Variants in B4GALNT3 observed in about 807,000 individuals in gnomAD.
B4GALNT3 encodes the protein beta-1,4-N-acetyl-galactosaminyltransferase 3, also known as beta-1,4-N-acetylgalactosaminyltransferase 3.
A neutral mutation model predicts 120.2 loss-of-function variants in B4GALNT3; 86 were observed. The ratio of observed to expected loss-of-function variants is 0.72; its 90% CI spans 0.60 to 0.86. B4GALNT3 has a LOEUF of 0.86. B4GALNT3 is among the 40% of genes least tolerant of loss of function. The probability of loss-of-function intolerance (pLI) is 0.00; values close to 1 mark genes in which losing one functional copy is unlikely to be tolerated. For missense variants in B4GALNT3, 1,167 were observed against 1,298.9 expected (o/e 0.90, Z 1.56); for synonymous variants, 518 against 510.4 (o/e 1.01, Z -0.20).
chr12:524,514 TC>T (rs1479199216), intron 1 of B4GALNT3, among the ~76,000 whole-genome samples: 1 of 152,182 alleles, frequency 6.6e-6, no homozygotes, highest in Non-Finnish European at 1.5e-5. Context: ...CCAAACCCAG[TC>T]CCTGTGTGGG....
intron 1 of B4GALNT3, among the ~76,000 whole-genome samples, chr12:511,797 C>T (rs1467464271): frequency 3.5e-5 from 2 of 56,920 alleles, no homozygotes; most frequent in Admixed American, 1.9e-4. Flanking sequence ...TTCCACCTTC[C>T]ACCTTCTTCC....
At chr12:552,955 C>T (rs1947102293) in intron 13 of B4GALNT3, 1 of 579,288 alleles carries the variant, frequency 1.7e-6, no homozygotes, top group Non-Finnish European at 3.0e-6. Flanking sequence ...GTTTATCTCA[C>T]TCAGTCTTCA....
intron 1 of B4GALNT3, 83 bp from the exon 2 acceptor site, chr12:535,083 C>A: frequency 2.6e-6 from 3 of 1,175,694 alleles, no homozygotes; most frequent in Non-Finnish European, 3.7e-6. Context: ...AGACGGTTCC[C>A]TCCATTAACC....
intron 1 of B4GALNT3, among the ~76,000 whole-genome samples, chr12:475,864 C>G (rs150153564): frequency 1.4e-4 from 22 of 152,276 alleles, no homozygotes; most frequent in African/African-American, 4.8e-4. Flanking sequence ...TTCACTCTCC[C>G]CACAGCATTG....
In B4GALNT3 at chr12:550,823, C is replaced by T. The variant is rs116772521; in HGVS notation, c.998-99C>T. Reference sequence around the variant, plus strand: ...ACAGACGTCGGCAGAACACAGCTGCCGCTTGCGAATACAGAAAGGGCCCTG... The same window carrying T: ...ACAGACGTCGGCAGAACACAGCTGCTGCTTGCGAATACAGAAAGGGCCCTG... On this transcript the variant is annotated intron_variant, in intron 10 of 19. Transcript: ENST00000266383. The surrounding 1 kb of genome is among the most constrained non-coding windows in gnomAD (Gnocchi z 4.1). The T allele has an allele frequency of 4.8e-4, 469 of 969,610 alleles. 1 individual carries two copies. In the African/African-American group the frequency reaches 6.9e-3, roughly 14 times the overall value. 60.1% of individuals were successfully genotyped at this position (969,610 alleles called of 1,614,324 possible). A position where few individuals can be genotyped will look rare whatever the true frequency, so the allele number is the denominator to read the frequency against.
chr12:460,668 T>G lies in B4GALNT3; in HGVS notation c.169+123T>G. ...ATTTCCCACCCATTTCTCCCTCAGG[T>G]GCCCGGCGTCGCCCCGCGCGTACTC... is the stretch of plus-strand genomic sequence containing the variant. On this transcript the variant is annotated intron_variant, in intron 1 of 19. Coordinates refer to ENST00000266383, the MANE Select transcript of B4GALNT3 (RefSeq NM_173593.4). The surrounding 1 kb of genome is among the most constrained non-coding windows in gnomAD (Gnocchi z 8.0). The G allele has an allele frequency of 9.9e-7, 1 of 1,006,282 alleles. No individual in the cohort carries two copies. The highest frequency in any genetic ancestry group is 1.3e-6 in the Non-Finnish European group (1 of 778,620). 62.3% of individuals were successfully genotyped at this position (1,006,282 alleles called of 1,614,324 possible). A position where few individuals can be genotyped will look rare whatever the true frequency, so the allele number is the denominator to read the frequency against.
chr12:517,221 T>C (rs902502033), intron 1 of B4GALNT3, among the ~76,000 whole-genome samples: 3 of 152,200 alleles, frequency 2.0e-5, no homozygotes, highest in Non-Finnish European at 2.9e-5. Context: ...GCAGCAGTGT[T>C]GATGGCAAAG....
chr12:521,430 G>A (rs772214259), intron 1 of B4GALNT3, among the ~76,000 whole-genome samples: 55 of 152,150 alleles, frequency 3.6e-4, no homozygotes, highest in Non-Finnish European at 6.8e-4. Flanking sequence ...TGGCCTTTCC[G>A]GGGCCCAGTC....
chr12:549,631 AGTGTG>A (rs1206473997), intron 9 of B4GALNT3, 133 bp from the exon 10 acceptor site: 2 of 1,090,814 alleles, frequency 1.8e-6, no homozygotes, highest in Non-Finnish European at 2.6e-6. Flanking sequence ...GGCCAGAGGG[AGTGTG>A]GCTGCGCACA....
In B4GALNT3 at chr12:561,477, A is replaced by G. The variant is rs1040374972; in HGVS notation, c.*26A>G. Reference sequence around the variant, plus strand: ...CCGGAGGGTGTCCGCGGGGCCCAGCACTCCCCGCTCTGGACTAGCAGTGGC... The same window carrying G: ...CCGGAGGGTGTCCGCGGGGCCCAGCGCTCCCCGCTCTGGACTAGCAGTGGC... On this transcript the variant is annotated 3_prime_UTR_variant, in exon 20 of 20. Coordinates refer to ENST00000266383, the MANE Select transcript of B4GALNT3 (RefSeq NM_173593.4). The G allele has an allele frequency of 1.2e-5, 19 of 1,551,668 alleles. No individual in the cohort carries two copies. Among genetic ancestry groups the G allele is most frequent in the Non-Finnish European group, 1.6e-5 (18 of 1,131,204 alleles).
intron 1 of B4GALNT3, among the ~76,000 whole-genome samples, chr12:527,034 C>T (rs1946764421): frequency 6.6e-6 from 1 of 152,228 alleles, no homozygotes; most frequent in South Asian, 2.1e-4. Context: ...GTTCAATCCT[C>T]CCGAGTAGCT....
At chr12:513,208 C>A (rs1946616612) in intron 1 of B4GALNT3, among the ~76,000 whole-genome samples, 2 of 148,302 alleles carry the variant, frequency 1.3e-5, no homozygotes, top group Admixed American at 1.3e-4. Flanking sequence ...CCACCTTCCA[C>A]CTTCCACTAC....
intron 1 of B4GALNT3, among the ~76,000 whole-genome samples, chr12:461,910 T>A (rs919280365): frequency 2.0e-5 from 3 of 152,128 alleles, no homozygotes; most frequent in African/African-American, 7.2e-5. Context: ...AAATGAGGCC[T>A]TTGGTCCAAA....
At chr12:465,865 G>C (rs1946073197) in intron 1 of B4GALNT3, among the ~76,000 whole-genome samples, 1 of 146,014 alleles carries the variant, frequency 6.8e-6, no homozygotes, top group South Asian at 2.2e-4. Flanking sequence ...GCTTGATGGT[G>C]CTGGGGCTGC....
chr12:552,934 C>T (rs1207678511), intron 13 of B4GALNT3: 2 of 537,202 alleles, frequency 3.7e-6, no homozygotes, highest in South Asian at 4.8e-5. Flanking sequence ...ACCTGCCGGG[C>T]ATGTGATGCC....
chr12:513,034 C>T (rs553443564), intron 1 of B4GALNT3, among the ~76,000 whole-genome samples: 254 of 149,618 alleles, frequency 1.7e-3, no homozygotes, highest in African/African-American at 6.0e-3. Flanking sequence ...CCACCTTCCA[C>T]CTTCTTCCAC....
intron 1 of B4GALNT3, among the ~76,000 whole-genome samples, chr12:466,685 A>G (rs1261216890): frequency 6.6e-6 from 1 of 152,258 alleles, no homozygotes; most frequent in African/African-American, 2.4e-5. Flanking sequence ...CAAGTTAACA[A>G]GTGCTACTTT....
chr12:508,163 C>G (rs1946515850), intron 1 of B4GALNT3, among the ~76,000 whole-genome samples: 1 of 152,256 alleles, frequency 6.6e-6, no homozygotes, highest in African/African-American at 2.4e-5. Context: ...CCAGCCCAGA[C>G]CTGTCCCTAG....
chr12:467,876 G>T (rs114055797), intron 1 of B4GALNT3, among the ~76,000 whole-genome samples: 1 of 152,122 alleles, frequency 6.6e-6, no homozygotes, highest in Non-Finnish European at 1.5e-5. Context: ...TCTCTTGAGC[G>T]GTTTGTTTTA....
Sources: allele counts gnomAD v4.1 joint callset (sites outside exome capture counted in the v4.1 genomes callset), GRCh38; gene constraint gnomAD v4.1.1; non-coding constraint Gnocchi (gnomAD v3.1); transcripts MANE v1.5; gene names NCBI Gene and HGNC (gene_info 2026-07-23, HGNC 2026-07-21).